Variants in RBFOX1 observed in about 807,000 individuals in gnomAD.
The protein encoded by RBFOX1 is RNA binding protein fox-1 homolog 1.
Under a neutral mutation model 57.7 loss-of-function variants are expected in RBFOX1, and 8 were observed. The ratio of observed to expected loss-of-function variants is 0.14; its 90% CI spans 0.08 to 0.25. The LOEUF (loss-of-function observed/expected upper bound fraction) is 0.25. Among genes scored for constraint, RBFOX1 ranks in the 10% least tolerant of loss-of-function variants. The pLI is 1.00. For missense variants in RBFOX1, 611 were observed against 548.5 expected (o/e 1.11, Z -1.14); for synonymous variants, 326 against 222.4 (o/e 1.47, Z -4.15).
chr16:6,653,178 A>G (rs1013579702), intron 2 of RBFOX1, among the ~76,000 whole-genome samples: 2 of 151,978 alleles, frequency 1.3e-5, no homozygotes, highest in African/African-American at 4.8e-5. Flanking sequence ...CTCAATTGCC[A>G]CTTTTTCAAA....
intron 4 of RBFOX1, among the ~76,000 whole-genome samples, chr16:7,085,147 A>T (rs532853923): frequency 1.3e-3 from 204 of 152,318 alleles, no homozygotes; most frequent in Non-Finnish European, 2.5e-3. Flanking sequence ...GATCAAATAA[A>T]GAGGCTACAA....
rs551170939 is a variant in RBFOX1 at position 6,171,059 on chromosome 16, A to G, written c.-126-145936A>G. ...AGTGCTGCAGTGAACATTTGCATGCATGTGTCTTTATGATAGAATGATTTA... is the reference window on the plus strand; with the variant it reads ...AGTGCTGCAGTGAACATTTGCATGCGTGTGTCTTTATGATAGAATGATTTA... On this transcript the variant is annotated intron_variant, in intron 1 of 15. Coordinates refer to ENST00000550418, the MANE Select transcript of RBFOX1 (RefSeq NM_018723.4). Among the ~76,000 whole-genome samples, 27 of 152,272 alleles carry G rather than the reference A, an allele frequency of 1.8e-4. No homozygotes were observed. The South Asian group carries it at 3.1e-3, about 18-fold the overall frequency.
intron 2 of RBFOX1, among the ~76,000 whole-genome samples, chr16:6,511,679 C>T (rs1051854069): frequency 6.6e-6 from 1 of 152,098 alleles, no homozygotes. Flanking sequence ...AAACCTTTTG[C>T]TTTATTAAAG....
Position 6,246,781 on chromosome 16 carries a change from A to G in RBFOX1, c.-126-70214A>G, listed in dbSNP as rs968004871. Among the ~76,000 whole-genome samples the G allele has an allele frequency of 3.3e-5, 5 of 152,260 alleles. No homozygotes were observed. In the South Asian group the frequency reaches 8.3e-4, roughly 25 times the overall value. ...TATCTTGTTTCCTAAACTCCAGTCC[A>G]TTGTAGGCTGGGCATTGTGGCTCAC... On this transcript the variant is annotated intron_variant, in intron 1 of 15. Coordinates refer to ENST00000550418, the MANE Select transcript of RBFOX1 (RefSeq NM_018723.4).
At position 6,162,178 on chromosome 16, in the gene RBFOX1, T is replaced by G. The variant is rs1308807811; in HGVS notation, c.-127+142186T>G. On this transcript the variant is annotated intron_variant, in intron 1 of 15. Coordinates refer to ENST00000550418, the MANE Select transcript of RBFOX1 (RefSeq NM_018723.4). ...TGTCACCCAGGCTGGAGTGCAGTGG[T>G]GTCATCTTGGCTCACTGCAACTTCC... Among the ~76,000 whole-genome samples, 3 of 152,040 alleles carry G rather than the reference T, an allele frequency of 2.0e-5. No individual in the cohort carries two copies. The East Asian group carries it at 5.8e-4, about 29-fold the overall frequency.
intron 4 of RBFOX1, among the ~76,000 whole-genome samples, chr16:7,350,476 G>T (rs547067037): frequency 1.2e-3 from 188 of 152,238 alleles, no homozygotes; most frequent in African/African-American, 4.4e-3. Context: ...TTTTGATCTA[G>T]GGGAAATGGC....
intron 12 of RBFOX1, among the ~76,000 whole-genome samples, chr16:7,662,185 T>C (rs959292835): frequency 3.3e-5 from 5 of 152,216 alleles, no homozygotes; most frequent in Admixed American, 6.5e-5. Flanking sequence ...CAGAGACAGA[T>C]GAGGTTCCAC....
chr16:6,502,777 C>G (rs2153184674), intron 2 of RBFOX1, among the ~76,000 whole-genome samples: 1 of 152,224 alleles, frequency 6.6e-6, no homozygotes, highest in Admixed American at 6.5e-5. Flanking sequence ...TATCAGCATC[C>G]TTTTTAGACA....
chr16:7,373,931 G>T (rs554617657), intron 4 of RBFOX1, among the ~76,000 whole-genome samples: 1 of 152,144 alleles, frequency 6.6e-6, no homozygotes, highest in East Asian at 1.9e-4. Context: ...CCTCGTAGCA[G>T]CCCTTTGCAA....
chr16:7,609,036 C>A (rs139561316), intron 10 of RBFOX1, among the ~76,000 whole-genome samples: 2 of 152,268 alleles, frequency 1.3e-5, no homozygotes, highest in African/African-American at 4.8e-5. Context: ...TGCTGGGATG[C>A]ATCTTTGTGC....
In RBFOX1 at chr16:7,304,220, G is replaced by GAGAGAGAGAGAGAGAGAGAGAC. The variant is rs2096113735; in HGVS notation, c.28-213906_28-213905insCAGAGAGAGAGAGAGAGAGAGA. The GAGAGAGAGAGAGAGAGAGAGAC allele has an allele frequency of 7.0e-6, 4 of 568,102 alleles. No homozygotes were observed. The African/African-American group carries it at 1.1e-4, about 15-fold the overall frequency. 35.2% of individuals were successfully genotyped at this position (568,102 alleles called of 1,614,324 possible). A position where few individuals can be genotyped will look rare whatever the true frequency, so the allele number is the denominator to read the frequency against. On this transcript the variant is annotated intron_variant, in intron 4 of 15. Transcript: ENST00000550418. ...AGAGAGACAGAGAGAGAGACAGAGA[G>GAGAGAGAGAGAGAGAGAGAGAC]AGAGAGAGAGAGAGAGAGAGAGAGA...
At chr16:6,729,252 A>T (rs773773138) in intron 3 of RBFOX1, among the ~76,000 whole-genome samples, 1 of 152,162 alleles carries the variant, frequency 6.6e-6, no homozygotes, top group South Asian at 2.1e-4. Flanking sequence ...AGGGATTCTG[A>T]TTTAATTTAC....
chr16:7,096,678 T>C (rs551015945), intron 4 of RBFOX1, among the ~76,000 whole-genome samples: 1 of 152,232 alleles, frequency 6.6e-6, no homozygotes, highest in African/African-American at 2.4e-5. Flanking sequence ...ATGCCTGTAA[T>C]CCCAGCACTT....
intron 6 of RBFOX1, among the ~76,000 whole-genome samples, chr16:7,582,793 C>G (rs950716422): frequency 4.6e-5 from 7 of 152,174 alleles, no homozygotes; most frequent in Non-Finnish European, 1.0e-4. Context: ...CAGAGAAAAA[C>G]AGTCACAAAG....
chr16:7,381,688 T>C (rs778730752), intron 4 of RBFOX1, among the ~76,000 whole-genome samples: 2 of 152,150 alleles, frequency 1.3e-5, no homozygotes, highest in African/African-American at 2.4e-5. Flanking sequence ...TGTCCCACCG[T>C]ATGGATTTGG....
At chr16:6,604,960 C>T (rs58446183) in intron 2 of RBFOX1, among the ~76,000 whole-genome samples, 23,752 of 151,906 alleles carry the variant, frequency 0.16, 2,293 homozygotes, top group Admixed American at 0.24. Context: ...CATGGCAAAA[C>T]CTCATCTTTA....
chr16:7,065,802 A>C (rs1229484289), intron 4 of RBFOX1, among the ~76,000 whole-genome samples: 2 of 152,102 alleles, frequency 1.3e-5, no homozygotes, highest in Non-Finnish European at 2.9e-5. Context: ...AATATCTCCT[A>C]AATCCTCCAG....
At chr16:5,466,221 G>A (rs899916350) in intron 1 of RBFOX1, among the ~76,000 whole-genome samples, 10 of 152,328 alleles carry the variant, frequency 6.6e-5, no homozygotes, top group South Asian at 4.1e-4. Context: ...TGCTGGGCTC[G>A]GGGCAGGCTG....
chr16:6,702,389 A>G (rs1165680050), intron 3 of RBFOX1, among the ~76,000 whole-genome samples: 2 of 152,186 alleles, frequency 1.3e-5, no homozygotes, highest in Non-Finnish European at 2.9e-5. Flanking sequence ...CTCCATCTCT[A>G]CTAAAAATAC....
Sources: allele counts gnomAD v4.1 joint callset (sites outside exome capture counted in the v4.1 genomes callset), GRCh38; gene constraint gnomAD v4.1.1; transcripts MANE v1.5; gene names NCBI Gene and HGNC (gene_info 2026-07-23, HGNC 2026-07-21).